Variants in RANBP2 observed in about 807,000 individuals in gnomAD.
RANBP2 encodes E3 SUMO-protein ligase RanBP2.
Under a neutral mutation model 303.6 loss-of-function variants are expected in RANBP2, and 57 were observed. The observed-to-expected ratio is 0.19, with a 90% CI of 0.15 to 0.23. The LOEUF (loss-of-function observed/expected upper bound fraction) is 0.23. RANBP2 is among the 10% of genes least tolerant of loss of function. The probability of loss-of-function intolerance (pLI) is 1.00; values close to 1 mark genes in which losing one functional copy is unlikely to be tolerated. For synonymous variants in RANBP2, 1,167 were observed against 1,301.5 expected (o/e 0.90, Z 2.23); for missense variants, 3,138 against 3,780.8 (o/e 0.83, Z 4.46).
At chr2:108,910,655 G>A in the RANBP2 span, 47 of 1,416,754 alleles carry the variant, frequency 3.3e-5, no homozygotes, top group East Asian at 4.6e-5. Flanking sequence ...ACCACCCCAC[G>A]GTAAGCACAG....
At chr2:109,074,478 T>A in the RANBP2 span, among the ~76,000 whole-genome samples, 1 of 150,768 alleles carries the variant, frequency 6.6e-6, no homozygotes, top group Non-Finnish European at 1.5e-5. Context: ...GGCAGGTAGA[T>A]CACTTGAGAC....
At chr2:109,147,804 C>T in the RANBP2 span, among the ~76,000 whole-genome samples, 1 of 152,118 alleles carries the variant, frequency 6.6e-6, no homozygotes, top group Non-Finnish European at 1.5e-5. Flanking sequence ...GGAGCCTAGC[C>T]CATTGATCTG....
At chr2:109,643,528 G>A in the RANBP2 span, among the ~76,000 whole-genome samples, 1 of 152,202 alleles carries the variant, frequency 6.6e-6, no homozygotes, top group East Asian at 1.9e-4. Flanking sequence ...GGGAGGCCAA[G>A]GCTGGCAGAT....
chr2:109,025,268 C>T, the RANBP2 span, among the ~76,000 whole-genome samples: 1 of 152,130 alleles, frequency 6.6e-6, no homozygotes, highest in African/African-American at 2.4e-5. Flanking sequence ...TGTTGATAGA[C>T]TTTCAGTTGA....
chr2:109,596,383 C>A, the RANBP2 span, among the ~76,000 whole-genome samples: 2 of 151,868 alleles, frequency 1.3e-5, no homozygotes, highest in Non-Finnish European at 2.9e-5. Context: ...TTTGGGAGGC[C>A]GAGGTGGGTG....
chr2:109,365,224 A>C, the RANBP2 span, among the ~76,000 whole-genome samples: 1 of 152,134 alleles, frequency 6.6e-6, no homozygotes. Flanking sequence ...GATATTCACT[A>C]TGAAGACTTA....
At chr2:109,143,815 C>CAT in the RANBP2 span, among the ~76,000 whole-genome samples, 1 of 151,510 alleles carries the variant, frequency 6.6e-6, no homozygotes, top group Non-Finnish European at 1.5e-5. Context: ...TGTATACACA[C>CAT]ACACACACAC....
the RANBP2 span, chr2:109,503,986 G>A: frequency 6.6e-6 from 1 of 152,246 alleles, no homozygotes; most frequent in South Asian, 2.1e-4. Context: ...AGGAAGGAGA[G>A]CGATGCGTGG....
chr2:109,181,482 A>C, the RANBP2 span, among the ~76,000 whole-genome samples: 1 of 151,640 alleles, frequency 6.6e-6, no homozygotes, highest in East Asian at 1.9e-4. Context: ...CCACTGGTGT[A>C]ACACACACAC....
the RANBP2 span, among the ~76,000 whole-genome samples, chr2:109,339,504 G>A: frequency 5.3e-4 from 80 of 152,262 alleles, 1 homozygote; most frequent in East Asian, 6.8e-3. Context: ...GGAGGCCCAC[G>A]TGAGTGTGCT....
At chr2:109,313,567 T>C in the RANBP2 span, 1 of 154,896 alleles carries the variant, frequency 6.5e-6, no homozygotes, top group South Asian at 2.0e-4. Context: ...GAGGCCCAGA[T>C]AGGGACTGTC....
Position 108,763,459 on chromosome 2 carries a change from C to T in RANBP2, c.2920C>T (p.Pro974Ser), listed in dbSNP as rs748313758. 2 of 1,614,064 alleles carry T rather than the reference C, an allele frequency of 1.2e-6. No individual in the cohort carries two copies. Among genetic ancestry groups the T allele is most frequent in the Non-Finnish European group, 1.7e-6 (2 of 1,179,984 alleles). Reference sequence around the variant, plus strand: ...TGTTCAACAGACAAGCACAAATCCACCTTTGCCAGAACCAGGATATTTCAC... The same window carrying T: ...TGTTCAACAGACAAGCACAAATCCATCTTTGCCAGAACCAGGATATTTCAC... ...YNVQQTSTNP[P>S]LPEPGYFTKP... is the part of the protein sequence containing the mutation. The change falls in exon 20 of 29, where the codon CCT becomes TCT. Residue 974 changes from proline to serine, a missense_variant. By Grantham distance (74) the Pro-to-Ser change is moderately conservative. Coordinates refer to ENST00000283195, the MANE Select transcript of RANBP2 (RefSeq NM_006267.5).
chr2:109,086,811 A>T, the RANBP2 span, among the ~76,000 whole-genome samples: 33 of 152,308 alleles, frequency 2.2e-4, no homozygotes, highest in African/African-American at 7.2e-4. Context: ...GACCCAGGAA[A>T]GGAGTCCTTT....
chr2:109,483,796 G>A, the RANBP2 span, among the ~76,000 whole-genome samples: 7 of 152,044 alleles, frequency 4.6e-5, no homozygotes, highest in East Asian at 1.9e-4. Flanking sequence ...GGCTGCAGGC[G>A]CTGGGGTTGC....
chr2:108,726,756 T>A (rs972752799), intron 1 of RANBP2, among the ~76,000 whole-genome samples: 3 of 151,670 alleles, frequency 2.0e-5, no homozygotes, highest in African/African-American at 7.3e-5. Flanking sequence ...AGGTCTCTGG[T>A]TTTCCTAGGC....
chr2:109,614,616 G>A, the RANBP2 span: 8 of 1,459,426 alleles, frequency 5.5e-6, no homozygotes, highest in African/African-American at 7.4e-5. Flanking sequence ...GGGCGCCCTA[G>A]GCGGCGAACC....
the RANBP2 span, among the ~76,000 whole-genome samples, chr2:109,531,259 A>C: frequency 3.9e-5 from 6 of 152,260 alleles, 1 homozygote; most frequent in African/African-American, 1.4e-4. Flanking sequence ...TTGGTTTCTG[A>C]TGTGAAAACA....
At chr2:108,780,855 A>G (rs944450464) in intron 25 of RANBP2, among the ~76,000 whole-genome samples, 7 of 151,976 alleles carry the variant, frequency 4.6e-5, no homozygotes, top group Admixed American at 2.0e-4. Context: ...GATTACAGGC[A>G]TATGCCACCA....
At chr2:109,639,329 A>G in the RANBP2 span, among the ~76,000 whole-genome samples, 5 of 152,186 alleles carry the variant, frequency 3.3e-5, no homozygotes, top group Admixed American at 2.0e-4. Context: ...CATATAAGAA[A>G]TATTGGCTCA....
Sources: gnomAD v4.1 joint callset for allele counts (sites outside exome capture counted in the v4.1 genomes callset) on GRCh38, gnomAD v4.1.1 for gene constraint, MANE v1.5 for transcripts, NCBI Gene and HGNC (gene_info 2026-07-23, HGNC 2026-07-21) for gene names.